The following CLSTN1 variants were observed in gnomAD, a reference collection of about 807,000 sequenced individuals.
CLSTN1 encodes calsyntenin-1.
CLSTN1 carries 28 observed loss-of-function variants against 108.3 expected under a neutral mutation model. The observed-to-expected ratio is 0.26, with a 90% confidence interval of 0.19 to 0.35. The LOEUF (loss-of-function observed/expected upper bound fraction) is 0.35. Ranked by LOEUF, CLSTN1 falls within the 10% of genes least tolerant of loss-of-function variation. The pLI is 1.00. For missense variants in CLSTN1, 1,157 were observed against 1,302.6 expected (o/e 0.89, Z 1.72); for synonymous variants, 524 against 534.9 (o/e 0.98, Z 0.28).
In CLSTN1 at chr1:9,763,317, G is replaced by A. The variant is rs532978636; in HGVS notation, c.215-6807C>T. On this transcript the variant is annotated intron_variant, in intron 2 of 18. Coordinates refer to ENST00000377298, the MANE Select transcript of CLSTN1 (RefSeq NM_001009566.3). ...CACAGACTCCAAGAGTTACGCTCTCGCAAGTTCCTCACTGACTACAGCAGT... is the reference window on the plus strand; with the variant it reads ...CACAGACTCCAAGAGTTACGCTCTCACAAGTTCCTCACTGACTACAGCAGT... Among the ~76,000 whole-genome samples the A allele has an allele frequency of 1.1e-3, 172 of 152,140 alleles. 2 individuals are homozygous for A. The highest frequency in any genetic ancestry group is 9.4e-4 in the Non-Finnish European group (64 of 68,026).
At position 9,734,242 on chromosome 1, in the gene CLSTN1, G is replaced by T; in HGVS notation, c.2111-100C>A. 1 of 1,208,300 alleles carries T rather than the reference G, an allele frequency of 8.3e-7. No homozygotes were observed. The highest frequency in any genetic ancestry group is 1.2e-6 in the Non-Finnish European group (1 of 845,424). 74.8% of individuals were successfully genotyped at this position (1,208,300 alleles called of 1,614,324 possible). ...TGCCGGCTCACCCCAAACCTACATG[G>T]CTCTCGTAAGGACCAACGACAGAAG... On this transcript the variant is annotated intron_variant, in intron 14 of 18. Coordinates refer to ENST00000377298, the MANE Select transcript of CLSTN1 (RefSeq NM_001009566.3). This position sits in a 1 kb window ranked among gnomAD's most constrained non-coding sequence, Gnocchi z 4.8.
rs775430059 is a variant in CLSTN1, at chr1:9,750,715, C to CAAAAAAA, written c.649+751_649+757dup. On this transcript the variant is annotated intron_variant, in intron 5 of 18. Transcript: ENST00000377298. Reference sequence around the variant, plus strand: ...CGACAGAGCAAGACCTTCCCTCAAACAAAAAAAAAAAAAAAAAAGATGTCA... The same window carrying CAAAAAAA: ...CGACAGAGCAAGACCTTCCCTCAAACAAAAAAAAAAAAAAAAAAAAAAAAAGATGTCA... Among the ~76,000 whole-genome samples, 45 of 77,178 alleles carry CAAAAAAA rather than the reference C, an allele frequency of 5.8e-4. 2 individuals are homozygous for CAAAAAAA. The highest frequency in any genetic ancestry group is 1.7e-3 in the African/African-American group (40 of 23,226). The allele number at this position is 77,178 out of a possible 152,430, so 50.6% of individuals were successfully genotyped here.
intron 10 of CLSTN1, among the ~76,000 whole-genome samples, chr1:9,738,561 C>T (rs3922953): frequency 1.3e-3 from 204 of 152,334 alleles, no homozygotes; most frequent in African/African-American, 4.6e-3. Context: ...AAGCTCTCCA[C>T]GGCCAACGTG....
intron 1 of CLSTN1, among the ~76,000 whole-genome samples, chr1:9,802,550 ACT>A (rs914631473): frequency 9.9e-5 from 15 of 152,220 alleles, no homozygotes; most frequent in Middle Eastern, 3.4e-3. Flanking sequence ...TACTTTCCTG[ACT>A]CAACTGTACA....
intron 1 of CLSTN1, among the ~76,000 whole-genome samples, chr1:9,786,395 A>C (rs1653488616): frequency 6.6e-6 from 1 of 152,074 alleles, no homozygotes; most frequent in Admixed American, 6.6e-5. Flanking sequence ...TAATCCCAGC[A>C]CTTTGGGAGG....
intron 16 of CLSTN1, among the ~76,000 whole-genome samples, chr1:9,732,953 G>A (rs986023996): frequency 1.3e-5 from 2 of 152,202 alleles, no homozygotes; most frequent in African/African-American, 4.8e-5. Flanking sequence ...CACTTTTGGA[G>A]GCCAAGGCAA....
At chr1:9,801,603 G>A (rs894626441) in intron 1 of CLSTN1, among the ~76,000 whole-genome samples, 19 of 152,176 alleles carry the variant, frequency 1.2e-4, no homozygotes, top group African/African-American at 4.6e-4. Flanking sequence ...TGCCCAGGCT[G>A]GAGCGCAGTG....
intron 2 of CLSTN1, among the ~76,000 whole-genome samples, chr1:9,769,098 C>CGAAGGAGGGAAGGAGAGAGAGAGGAAGG (rs1652536361): frequency 8.2e-6 from 1 of 122,364 alleles, no homozygotes; most frequent in Non-Finnish European, 1.6e-5. Context: ...AGGGAGGAAG[C>CGAAGGAGGGAAGGAGAGAGAGAGGAAGG]GAAGGAGGGA....
intron 1 of CLSTN1, among the ~76,000 whole-genome samples, chr1:9,775,269 G>C (rs1340217144): frequency 6.6e-6 from 1 of 151,600 alleles, no homozygotes; most frequent in Non-Finnish European, 1.5e-5. Flanking sequence ...AGATGGAGTC[G>C]CTCTGGTTCA....
chr1:9,753,346 C>T (rs907125712), intron 4 of CLSTN1, among the ~76,000 whole-genome samples: 5 of 152,088 alleles, frequency 3.3e-5, no homozygotes, highest in Non-Finnish European at 7.4e-5. Context: ...CAGTACTGGC[C>T]CACGTCCTGA....
chr1:9,824,399 C>A (rs540411046), upstream of CLSTN1: 1 of 152,120 alleles, frequency 6.6e-6, no homozygotes, highest in African/African-American at 2.4e-5. The surrounding 1 kb of genome is among the most constrained non-coding windows in gnomAD (Gnocchi z 5.0). Context: ...GGAGCGCAGA[C>A]CCCGGCGGAG....
intron 1 of CLSTN1, among the ~76,000 whole-genome samples, chr1:9,777,822 AC>A (rs1653030824): frequency 6.6e-6 from 1 of 152,076 alleles, no homozygotes; most frequent in African/African-American, 2.4e-5. Flanking sequence ...GGATGAGAAA[AC>A]GGCAAATAAT....
chr1:9,775,527 C>T (rs1028119849), intron 1 of CLSTN1, among the ~76,000 whole-genome samples: 1 of 152,040 alleles, frequency 6.6e-6, no homozygotes, highest in Non-Finnish European at 1.5e-5. Flanking sequence ...TGTCAGACGT[C>T]CTCCTGGTAG....
At chr1:9,740,959 A>T in intron 10 of CLSTN1, 135 bp downstream of exon 10, 2 of 974,774 alleles carry the variant, frequency 2.1e-6, no homozygotes, top group Non-Finnish European at 3.1e-6. Context: ...AAAAGGCTGT[A>T]CACAGGAAAT....
intron 1 of CLSTN1, among the ~76,000 whole-genome samples, chr1:9,783,997 AAATAAT>A (rs1000699902): frequency 9.1e-4 from 137 of 150,468 alleles, no homozygotes; most frequent in African/African-American, 3.2e-3. Context: ...CCATCTCAAA[AAATAAT>A]AATAATAATA....
At chr1:9,796,561 G>A (rs1306313756) in intron 1 of CLSTN1, among the ~76,000 whole-genome samples, 2 of 150,754 alleles carry the variant, frequency 1.3e-5, no homozygotes, top group African/African-American at 2.4e-5. Flanking sequence ...GCAGGCGCCT[G>A]TAGTCCCAGC....
chr1:9,807,191 C>T (rs1036872480), intron 1 of CLSTN1, among the ~76,000 whole-genome samples: 1 of 152,060 alleles, frequency 6.6e-6, no homozygotes, highest in Admixed American at 6.6e-5. Flanking sequence ...ACGTTAACAG[C>T]GCTTCCCAAG....
intron 16 of CLSTN1, 105 bp from the exon 17 acceptor site, chr1:9,732,001 CT>C: frequency 3.7e-6 from 5 of 1,365,392 alleles, no homozygotes; most frequent in Non-Finnish European, 5.1e-6. Flanking sequence ...CTCAGAGTGG[CT>C]CCTGGACCGC....
At chr1:9,749,179 C>T (rs944868937) in intron 7 of CLSTN1, among the ~76,000 whole-genome samples, 1 of 152,168 alleles carries the variant, frequency 6.6e-6, no homozygotes, top group Non-Finnish European at 1.5e-5. Context: ...GCTGGAATTA[C>T]AGGTATAAGC....
Sources: allele counts gnomAD v4.1 joint callset (sites outside exome capture counted in the v4.1 genomes callset), GRCh38; gene constraint gnomAD v4.1.1; non-coding constraint Gnocchi (gnomAD v3.1); transcripts MANE v1.5; gene names NCBI Gene and HGNC (gene_info 2026-07-23, HGNC 2026-07-21).